Variants in CAPRIN2 observed in about 807,000 individuals in gnomAD.
The protein encoded by CAPRIN2 is caprin family member 2.
A neutral mutation model predicts 130.4 loss-of-function variants in CAPRIN2; 66 were observed. That is an observed-to-expected ratio of 0.51 (90% CI 0.42 to 0.62). CAPRIN2 has a LOEUF of 0.62. Ranked by LOEUF, CAPRIN2 falls within the 20% of genes least tolerant of loss-of-function variation. The pLI, the probability that CAPRIN2 is intolerant of heterozygous loss-of-function variation, is 0.00. For synonymous variants in CAPRIN2, 471 were observed against 444.1 expected, an observed-to-expected ratio of 1.06 and a Z score of -0.76; for missense variants, 1,185 against 1,246.6, an observed-to-expected ratio of 0.95 and a Z score of 0.74.
At chr12:30,741,105 T>G (rs145712756) in exon 3 of CAPRIN2, 17 of 1,586,988 alleles carry the variant, frequency 1.1e-5, no homozygotes, top group Non-Finnish European at 1.5e-5. Flanking sequence ...CTCTACAGCT[T>G]CCTACCAAAT....
intron 12 of CAPRIN2, chr12:30,720,436 C>T (rs1204225306): frequency 6.3e-6 from 1 of 158,154 alleles, no homozygotes; most frequent in Non-Finnish European, 1.4e-5. Flanking sequence ...CATTCCAACT[C>T]AATAAGTGCT....
intron 10 of CAPRIN2, 60 bp downstream of exon 11, chr12:30,724,292 AATCATTTGAAAAGACAAC>A: frequency 3.4e-6 from 3 of 879,288 alleles, no homozygotes; most frequent in Non-Finnish European, 1.9e-6. Flanking sequence ...TCTAAAATAA[AATCATTTGAAAAGACAAC>A]AACAACAAAT....
At chr12:30,754,787 G>A (rs1400261706), upstream of CAPRIN2, 3 of 152,420 alleles carry the variant, frequency 2.0e-5, no homozygotes, top group African/African-American at 4.8e-5. Context: ...GCCGCAGCCC[G>A]GGCCCGCCTT....
intron 10 of CAPRIN2, 80 bp from the exon 12 acceptor site, chr12:30,723,394 A>G (rs2039297320): frequency 1.1e-6 from 1 of 943,236 alleles, no homozygotes; most frequent in African/African-American, 1.6e-5. Context: ...ACTAAAGTTT[A>G]CACTTCACAA....
exon 12 of CAPRIN2, chr12:30,720,891 T>C: frequency 6.2e-7 from 1 of 1,613,340 alleles, no homozygotes; most frequent in South Asian, 1.1e-5. Flanking sequence ...GCATTTGAGC[T>C]ACAAGTAACT....
intron 8 of CAPRIN2, among the ~76,000 whole-genome samples, chr12:30,726,796 T>C (rs1416384382): frequency 6.6e-6 from 1 of 152,174 alleles, no homozygotes; most frequent in Non-Finnish European, 1.5e-5. Flanking sequence ...AGTGAGTACA[T>C]ATGGGACTCT....
chr12:30,744,270 C>T (rs1353856005), intron 2 of CAPRIN2, among the ~76,000 whole-genome samples: 2 of 152,196 alleles, frequency 1.3e-5, no homozygotes, highest in African/African-American at 4.8e-5. Context: ...TCCTTACATC[C>T]ATACACTATC....
intron 2 of CAPRIN2, among the ~76,000 whole-genome samples, chr12:30,742,842 C>A (rs1350017702): frequency 1.3e-5 from 2 of 152,068 alleles, no homozygotes; most frequent in African/African-American, 2.4e-5. Flanking sequence ...TGTGTTTTAA[C>A]TTATATGGAA....
At chr12:30,734,982 T>G in exon 4 of CAPRIN2, 1 of 1,612,290 alleles carries the variant, frequency 6.2e-7, no homozygotes, top group Non-Finnish European at 8.5e-7. Context: ...GACTTTCATT[T>G]CTTTCAGGGC....
exon 17 of CAPRIN2, chr12:30,709,654 G>A (rs1327827846): frequency 4.8e-6 from 2 of 419,006 alleles, no homozygotes; most frequent in Non-Finnish European, 8.5e-6. Flanking sequence ...TAAGGATTAA[G>A]TGCAAACAAT....
Position 30,713,771 on chromosome 12 carries a change from C to G in CAPRIN2, c.2601+14G>C. ...CTGTACCACTATTCAACTATGACAA[C>G]TATTCTTACTTACCCTTTGGGAATA... On this transcript the variant is annotated intron_variant, in intron 15 of 16. Coordinates refer to ENST00000298892, the Ensembl canonical transcript of CAPRIN2. 7.0e-7 allele frequency: 1 copy of G among 1,433,430 alleles called. No individual in the cohort carries two copies. The highest frequency in any genetic ancestry group is 1.4e-5 in the African/African-American group (1 of 71,444). 88.8% of individuals were successfully genotyped at this position (1,433,430 alleles called of 1,614,324 possible). A position where few individuals can be genotyped will look rare whatever the true frequency, so the allele number is the denominator to read the frequency against.
intron 2 of CAPRIN2, among the ~76,000 whole-genome samples, chr12:30,747,572 G>A (rs1175067084): frequency 1.3e-5 from 2 of 152,016 alleles, no homozygotes. Flanking sequence ...AGCTACTCAG[G>A]AGGCTGAGGC....
intron 3 of CAPRIN2, among the ~76,000 whole-genome samples, chr12:30,736,956 G>T (rs2065114334): frequency 6.6e-6 from 1 of 152,160 alleles, no homozygotes; most frequent in African/African-American, 2.4e-5. Context: ...GGACTGGGTG[G>T]TCATATGGGC....
At chr12:30,720,680 T>A (rs1299973698) in intron 12 of CAPRIN2, 131 bp downstream of exon 13, 1 of 593,544 alleles carries the variant, frequency 1.7e-6, no homozygotes, top group Non-Finnish European at 3.0e-6. Flanking sequence ...GATCACAATA[T>A]CTATAGAAAG....
chr12:30,741,001 G>C lies in CAPRIN2; in HGVS notation c.570+19C>G. The C allele has an allele frequency of 6.5e-7, 1 of 1,538,824 alleles. No individual in the cohort carries two copies. Among genetic ancestry groups the C allele is most frequent in the Non-Finnish European group, 8.9e-7 (1 of 1,120,402 alleles). On this transcript the variant is annotated intron_variant, in intron 3 of 16. Transcript: ENST00000298892. ...GTGGTTAAAACTGGTTTCAGGAAAAGCAAAGAAAACATACTCACATCTAGG... is the reference window on the plus strand; with the variant it reads ...GTGGTTAAAACTGGTTTCAGGAAAACCAAAGAAAACATACTCACATCTAGG...
In CAPRIN2 at chr12:30,734,876, ACACACACACACT is replaced by A. The variant is rs958943456; in HGVS notation, c.809+80_809+91del. 5.9e-4 allele frequency: 447 copies of A among 762,972 alleles called. 2 individuals carry two copies. Among genetic ancestry groups the A allele is most frequent in the African/African-American group, 3.1e-3 (156 of 50,870 alleles). 47.3% of individuals were successfully genotyped at this position (762,972 alleles called of 1,614,324 possible). A position where few individuals can be genotyped will look rare whatever the true frequency, so the allele number is the denominator to read the frequency against. The stretch of plus-strand genomic sequence containing the variant: ...CACACACACACACACACACACACAC[ACACACACACACT>A]CTCTCTCTCACATACACACACCCCT... On this transcript the variant is annotated intron_variant, in intron 4 of 16. Coordinates refer to ENST00000298892, the Ensembl canonical transcript of CAPRIN2.
At chr12:30,751,180 G>C (rs1460282854) in intron 1 of CAPRIN2, 47 bp from the exon 3 acceptor site, 1 of 1,486,628 alleles carries the variant, frequency 6.7e-7, no homozygotes, top group South Asian at 1.1e-5. Flanking sequence ...ATAAAATTCA[G>C]AAGCAAATAA....
At chr12:30,726,027 A>G in exon 9 of CAPRIN2, 1 of 1,601,216 alleles carries the variant, frequency 6.2e-7, no homozygotes, top group Non-Finnish European at 8.5e-7. Flanking sequence ...TTCTTTCCTC[A>G]ATACTGGATC....
At chr12:30,753,943 GC>G in exon 1 of CAPRIN2, 1 of 598,692 alleles carries the variant, frequency 1.7e-6, no homozygotes, top group East Asian at 2.8e-5. Flanking sequence ...AATTCCCATG[GC>G]CACGTGATGA....
Sources: gnomAD v4.1 joint callset for allele counts (sites outside exome capture counted in the v4.1 genomes callset) on GRCh38, gnomAD v4.1.1 for gene constraint, MANE v1.5 for transcripts, NCBI Gene and HGNC (gene_info 2026-07-23, HGNC 2026-07-21) for gene names.